RNF146: variants seen among roughly 807,000 people sequenced by gnomAD.
The protein encoded by RNF146 is ring finger protein 146, also known as E3 ubiquitin-protein ligase RNF146.
Under a neutral mutation model 29.7 loss-of-function variants are expected in RNF146, and 11 were observed. That is an observed-to-expected ratio of 0.37 (90% CI 0.23 to 0.61). The LOEUF is 0.61. RNF146 is among the 20% of genes least tolerant of loss of function. RNF146 has a pLI of 0.66. For missense variants in RNF146, 342 were observed against 438.9 expected (o/e 0.78, Z 1.97); for synonymous variants, 150 against 159.7 (o/e 0.94, Z 0.46).
chr6:127,280,280 C>T lies in RNF146; in HGVS notation c.-59C>T. ...AGAGAAAATACTGTAAGCTGGCTGA[C>T]TGCTGGTGAAGAAAATGCTTTATTT... On this transcript the variant is annotated 5_prime_UTR_variant, in exon 2 of 3. Coordinates refer to ENST00000368314, the MANE Select transcript of RNF146 (RefSeq NM_001242850.2). The T allele has an allele frequency of 2.0e-6, 3 of 1,532,248 alleles. No homozygotes were observed. The highest frequency in any genetic ancestry group is 2.4e-5 in the South Asian group (2 of 83,486). 94.9% of individuals were successfully genotyped at this position (1,532,248 alleles called of 1,614,324 possible).
chr6:127,275,895 CTAAT>C (rs1469313828), intron 1 of RNF146, among the ~76,000 whole-genome samples: 2 of 152,036 alleles, frequency 1.3e-5, no homozygotes, highest in Non-Finnish European at 1.5e-5. Context: ...AGACTAGAGA[CTAAT>C]TATTTACAGT....
In RNF146 at chr6:127,267,320, C is replaced by T. The variant is rs117900591; in HGVS notation, c.-109+395C>T. ...GGGCGGAGCAGCGGCCATTACTGCG[C>T]AGCCTCTTCCGCCTGAGCCCGCTTC... is the stretch of plus-strand genomic sequence containing the variant. On this transcript the variant is annotated intron_variant, in intron 1 of 2. Transcript: ENST00000368314. Among the ~76,000 whole-genome samples the T allele has an allele frequency of 7.9e-5, 12 of 152,314 alleles. No homozygotes were observed. In the East Asian group the frequency reaches 2.3e-3, roughly 30 times the overall value.
chr6:127,269,974 T>C (rs1777232688), intron 1 of RNF146, among the ~76,000 whole-genome samples: 1 of 152,196 alleles, frequency 6.6e-6, no homozygotes, highest in East Asian at 1.9e-4. Context: ...CAAATATTTA[T>C]AATTGATATT....
At chr6:127,284,565 T>C (rs922503525) in intron 2 of RNF146, among the ~76,000 whole-genome samples, 5 of 151,872 alleles carry the variant, frequency 3.3e-5, no homozygotes, top group African/African-American at 1.2e-4. Flanking sequence ...GGATGAAAGT[T>C]TCTGAAAACC....
At chr6:127,280,519 T>A in intron 2 of RNF146, 179 bp downstream of exon 2, 1 of 1,260,630 alleles carries the variant, frequency 7.9e-7, no homozygotes, top group Non-Finnish European at 1.0e-6. Flanking sequence ...AATGTAGATT[T>A]CCAAGTCTCC....
intron 1 of RNF146, among the ~76,000 whole-genome samples, chr6:127,273,243 T>C (rs1777739088): frequency 6.6e-6 from 1 of 152,198 alleles, no homozygotes; most frequent in African/African-American, 2.4e-5. Flanking sequence ...GCATTTTAAG[T>C]GGAAATTCAT....
rs754870083 is a variant in RNF146 at position 127,287,369 on chromosome 6, C to A, written c.756C>A (p.Leu252=). 3 of 1,613,304 alleles carry A rather than the reference C, an allele frequency of 1.9e-6. No homozygotes were observed. The highest frequency in any genetic ancestry group is 4.5e-5 in the East Asian group (2 of 44,842). ...AAGACTCTTTTGCTCATTTACAACT[C>A]AGTGGAGACAACACAGCTGAAAGGA... ...SLEDSFAHLQ[L]SGDNTAERSH... is the part of the protein sequence containing the mutation. The change falls in exon 3 of 3, where the codon CTC becomes CTA. Residue 252 remains leucine, a synonymous_variant. Coordinates refer to ENST00000368314, the MANE Select transcript of RNF146 (RefSeq NM_001242850.2).
chr6:127,284,161 C>T (rs146081571), intron 2 of RNF146, among the ~76,000 whole-genome samples: 3 of 151,744 alleles, frequency 2.0e-5, no homozygotes, highest in Non-Finnish European at 4.4e-5. Flanking sequence ...AAAGCAAATA[C>T]AATAGGTTTG....
intron 1 of RNF146, among the ~76,000 whole-genome samples, chr6:127,271,629 C>T (rs1777515284): frequency 6.6e-6 from 1 of 152,072 alleles, no homozygotes; most frequent in Non-Finnish European, 1.5e-5. Context: ...TGACATGTAT[C>T]CAGTCTGAAT....
rs1779476186 is a variant in RNF146, at chr6:127,286,066, A to T, written c.3-550A>T. 8.1e-7 allele frequency: 1 copy of T among 1,229,004 alleles called. No individual in the cohort carries two copies. Among genetic ancestry groups the T allele is most frequent in the East Asian group, 3.2e-5 (1 of 31,546 alleles). The allele number at this position is 1,229,004 out of a possible 1,614,324, so 76.1% of individuals were successfully genotyped here. ...CCTCTTCAGGGGATCTTCAATATTC[A>T]TGTTATTTTCTCCTTTGGTCTTATA... On this transcript the variant is annotated intron_variant, in intron 2 of 2. Transcript: ENST00000368314. This position sits in a 1 kb window ranked among gnomAD's most constrained non-coding sequence, Gnocchi z 4.6.
Position 127,278,163 on chromosome 6 carries a change from T to C in RNF146, c.-108-2068T>C, listed in dbSNP as rs952002886. On this transcript the variant is annotated intron_variant, in intron 1 of 2. Coordinates refer to ENST00000368314, the MANE Select transcript of RNF146 (RefSeq NM_001242850.2). ...TCTGTGTAATATGATGTGCGTCCTG[T>C]AGTGGACATGGTGAGGTGGAGATGG... Among the ~76,000 whole-genome samples the C allele has an allele frequency of 5.3e-5, 8 of 152,186 alleles. No homozygotes were observed. In the East Asian group the frequency reaches 1.6e-3, roughly 30 times the overall value.
intron 2 of RNF146, among the ~76,000 whole-genome samples, chr6:127,280,948 A>T (rs1778839795): frequency 6.6e-6 from 1 of 151,700 alleles, no homozygotes. Flanking sequence ...CTATGAATAT[A>T]TTTCTGTTTT....
chr6:127,286,845 A>G lies in RNF146; in HGVS notation c.232A>G (p.Ile78Val). The change falls in exon 3 of 3, where the codon ATT becomes GTT. Residue 78 changes from isoleucine to valine, a missense_variant. Around this residue, in one of 6 missense-constraint regions of RNF146, gnomAD observed 27 missense variants for 66.0 expected, o/e 0.41. Coordinates refer to ENST00000368314, the MANE Select transcript of RNF146 (RefSeq NM_001242850.2). The surrounding 1 kb of genome is among the most constrained non-coding windows in gnomAD (Gnocchi z 4.6). The part of the protein sequence containing the change: ...GKRCALCRQE[I>V]PEDFLDKPTL... ...GCGGTGTGCTCTTTGTCGACAAGAAATTCCCGAGGATTTCCTTGACAAGCC... is the reference window on the plus strand; with the variant it reads ...GCGGTGTGCTCTTTGTCGACAAGAAGTTCCCGAGGATTTCCTTGACAAGCC... The G allele has an allele frequency of 5.0e-6, 8 of 1,613,242 alleles. No individual in the cohort carries two copies. The highest frequency in any genetic ancestry group is 6.8e-6 in the Non-Finnish European group (8 of 1,179,588).
upstream of RNF146, chr6:127,266,791 G>GGTGCGC (rs1171403428): frequency 6.6e-6 from 1 of 151,768 alleles, no homozygotes; most frequent in African/African-American, 2.4e-5. Flanking sequence ...TGCGGGTGCG[G>GGTGCGC]GTGCGCGGCG....
chr6:127,283,122 A>C (rs1486763700), intron 2 of RNF146, among the ~76,000 whole-genome samples: 2 of 151,774 alleles, frequency 1.3e-5, no homozygotes, highest in Admixed American at 6.6e-5. Context: ...CTTGAGAAGA[A>C]GACTTAGTAT....
chr6:127,277,953 A>G (rs904039799), intron 1 of RNF146, among the ~76,000 whole-genome samples: 1 of 152,092 alleles, frequency 6.6e-6, no homozygotes, highest in East Asian at 1.9e-4. Context: ...GTCAGCTTGT[A>G]TTTAGGGGCC....
At chr6:127,270,512 A>G (rs1243690455) in intron 1 of RNF146, among the ~76,000 whole-genome samples, 1 of 152,168 alleles carries the variant, frequency 6.6e-6, no homozygotes, top group African/African-American at 2.4e-5. Context: ...AAATAAAAGC[A>G]TCCCTTCTCC....
chr6:127,286,307 A>G lies in RNF146; in HGVS notation c.3-309A>G, dbSNP rs1779502400. 5 of 720,302 alleles carry G rather than the reference A, an allele frequency of 6.9e-6. No homozygotes were observed. The highest frequency in any genetic ancestry group is 5.0e-5 in the South Asian group (1 of 19,952). 44.6% of individuals were successfully genotyped at this position (720,302 alleles called of 1,614,324 possible). A position where few individuals can be genotyped will look rare whatever the true frequency, so the allele number is the denominator to read the frequency against. ...ACTGTATAATAGCTGCCATGATTCA[A>G]GGTATCCTTTTCCCCTCACTGGATG... On this transcript the variant is annotated intron_variant, in intron 2 of 2. Coordinates refer to ENST00000368314, the MANE Select transcript of RNF146 (RefSeq NM_001242850.2). The surrounding 1 kb of genome is among the most constrained non-coding windows in gnomAD (Gnocchi z 4.6).
chr6:127,269,019 T>C (rs760629881), intron 1 of RNF146, among the ~76,000 whole-genome samples: 16 of 152,206 alleles, frequency 1.1e-4, no homozygotes, highest in Non-Finnish European at 2.2e-4. Context: ...TTCGAATGCG[T>C]ATTTTTCTCC....
Sources: allele counts gnomAD v4.1 joint callset (sites outside exome capture counted in the v4.1 genomes callset), GRCh38; gene constraint gnomAD v4.1.1; regional missense constraint gnomAD v4.1.1; non-coding constraint Gnocchi (gnomAD v3.1); transcripts MANE v1.5; gene names NCBI Gene and HGNC (gene_info 2026-07-23, HGNC 2026-07-21).